Variants in MYO10 observed in about 807,000 individuals in gnomAD.
MYO10 encodes unconventional myosin-X.
A neutral mutation model predicts 257.3 loss-of-function variants in MYO10; 133 were observed. That is an observed-to-expected ratio of 0.52 (90% confidence interval 0.45 to 0.60). The LOEUF (loss-of-function observed/expected upper bound fraction) is 0.60, where lower values mean the gene tolerates loss of function less well. Ranked by LOEUF, MYO10 falls within the 20% of genes least tolerant of loss-of-function variation. The pLI is 0.00. For synonymous variants in MYO10, 1,104 were observed against 1,028.6 expected (o/e 1.07, Z -1.40); for missense variants, 2,399 against 2,635.7 (o/e 0.91, Z 1.97).
chr5:16,736,329 C>A (rs879300255), intron 19 of MYO10, among the ~76,000 whole-genome samples: 6 of 152,142 alleles, frequency 3.9e-5, no homozygotes, highest in African/African-American at 7.2e-5. Flanking sequence ...TTTATGTAAA[C>A]CAGGAAATGC....
intron 3 of MYO10, among the ~76,000 whole-genome samples, chr5:16,817,783 G>A (rs959969479): frequency 6.6e-6 from 1 of 152,194 alleles, no homozygotes; most frequent in African/African-American, 2.4e-5. Context: ...TCGATGTGCA[G>A]AAGGCCCTTC....
At chr5:16,875,725 CT>C (rs1744582713) in intron 2 of MYO10, among the ~76,000 whole-genome samples, 1 of 152,214 alleles carries the variant, frequency 6.6e-6, no homozygotes, top group South Asian at 2.1e-4. Flanking sequence ...TAGACCGCCC[CT>C]GCTAAGAAGT....
chr5:16,782,928 C>A (rs1741465149), intron 5 of MYO10, among the ~76,000 whole-genome samples: 1 of 152,198 alleles, frequency 6.6e-6, no homozygotes, highest in Admixed American at 6.5e-5. Context: ...CACGCTAAGC[C>A]CCCTTTTACA....
intron 2 of MYO10, among the ~76,000 whole-genome samples, chr5:16,851,734 GA>G (rs529452629): frequency 1.1e-3 from 166 of 152,228 alleles, no homozygotes; most frequent in Non-Finnish European, 2.1e-3. Context: ...TATAAATTAG[GA>G]TATCACTTGT....
At chr5:16,736,446 A>C (rs1384667717) in intron 19 of MYO10, among the ~76,000 whole-genome samples, 5 of 152,126 alleles carry the variant, frequency 3.3e-5, no homozygotes, top group African/African-American at 1.2e-4. Context: ...AGTTCCACAG[A>C]GTTTTCAGAG....
chr5:16,824,590 C>T (rs1466660120), intron 2 of MYO10, among the ~76,000 whole-genome samples: 4 of 152,156 alleles, frequency 2.6e-5, no homozygotes, highest in Middle Eastern at 3.2e-3. Flanking sequence ...ATCTTTCAGC[C>T]GGGCGCGGTG....
chr5:16,708,493 T>C (rs950736728), intron 21 of MYO10, among the ~76,000 whole-genome samples: 2 of 152,124 alleles, frequency 1.3e-5, no homozygotes, highest in Non-Finnish European at 2.9e-5. Flanking sequence ...AATGGCTGGG[T>C]TGAGTTTTAA....
rs1684976428 is a variant in MYO10 at position 16,815,185 on chromosome 5, T to C, written c.279+2824A>G. 1.2e-5 allele frequency: 5 copies of C among 410,552 alleles called. 1 individual carries two copies. Among genetic ancestry groups the C allele is most frequent in the Middle Eastern group, 1.3e-3 (2 of 1,510 alleles). 25.4% of individuals were successfully genotyped at this position (410,552 alleles called of 1,614,324 possible). The stretch of plus-strand genomic sequence containing the variant: ...TACAAAAAAAAACAAACTTGTGTTT[T>C]TTCTCTAATGACAGCAAAGTATGAG... On this transcript the variant is annotated intron_variant, in intron 3 of 40. Coordinates refer to ENST00000513610, the MANE Select transcript of MYO10 (RefSeq NM_012334.3).
chr5:16,891,203 C>T (rs370928986), intron 1 of MYO10, among the ~76,000 whole-genome samples: 11 of 151,670 alleles, frequency 7.3e-5, no homozygotes, highest in African/African-American at 1.9e-4. Context: ...AGGAGAATTG[C>T]TTGAACTCTT....
chr5:16,735,494 C>T (rs1309305998), intron 19 of MYO10, among the ~76,000 whole-genome samples: 1 of 152,040 alleles, frequency 6.6e-6, no homozygotes, highest in Non-Finnish European at 1.5e-5. Flanking sequence ...TGCTTGAGCC[C>T]AGGAGTTCGA....
intron 26 of MYO10, among the ~76,000 whole-genome samples, chr5:16,695,508 G>C (rs1561188041): frequency 6.6e-6 from 1 of 150,946 alleles, no homozygotes; most frequent in East Asian, 2.0e-4. Context: ...TGGTTTACAG[G>C]TATAAGACTG....
intron 19 of MYO10, among the ~76,000 whole-genome samples, chr5:16,729,451 C>CTTTT (rs1331507610): frequency 7.3e-5 from 11 of 150,118 alleles, no homozygotes; most frequent in African/African-American, 2.5e-4. Context: ...GTTGTATTTT[C>CTTTT]TATTTTTTTT....
At chr5:16,762,006 A>G (rs1208708139) in intron 16 of MYO10, 39 bp downstream of exon 16, 1 of 1,486,902 alleles carries the variant, frequency 6.7e-7, no homozygotes. Context: ...CTGAATACCA[A>G]ACAGGCAAAT....
At chr5:16,698,799 A>AT (rs1737889416) in intron 26 of MYO10, among the ~76,000 whole-genome samples, 1 of 149,782 alleles carries the variant, frequency 6.7e-6, no homozygotes, top group South Asian at 2.1e-4. Context: ...AATTTTTTGT[A>AT]TTTTTAGTAG....
chr5:16,697,871 T>TG (rs1200351135), intron 26 of MYO10, among the ~76,000 whole-genome samples: 2 of 152,284 alleles, frequency 1.3e-5, no homozygotes, highest in East Asian at 3.9e-4. Flanking sequence ...CTCATATCCC[T>TG]GCCCATCTCC....
At chr5:16,725,812 G>T (rs1739345050) in intron 19 of MYO10, among the ~76,000 whole-genome samples, 1 of 150,050 alleles carries the variant, frequency 6.7e-6, no homozygotes, top group Admixed American at 6.7e-5. Flanking sequence ...TTGTGAGGCG[G>T]AGTCTAGCTC....
chr5:16,682,237 C>G (rs1737041353), intron 30 of MYO10, among the ~76,000 whole-genome samples: 2 of 152,180 alleles, frequency 1.3e-5, no homozygotes, highest in African/African-American at 4.8e-5. Flanking sequence ...TCTGAAGGTC[C>G]TGGAAGGGAA....
chr5:16,864,168 T>A (rs907738527), intron 2 of MYO10, among the ~76,000 whole-genome samples: 1 of 126,514 alleles, frequency 7.9e-6, no homozygotes, highest in African/African-American at 2.9e-5. Flanking sequence ...TTTTTTTTTG[T>A]CACTTGTGGT....
At chr5:16,891,580 C>T (rs148142244) in intron 1 of MYO10, among the ~76,000 whole-genome samples, 14 of 152,080 alleles carry the variant, frequency 9.2e-5, no homozygotes, top group African/African-American at 2.9e-4. Flanking sequence ...TGTGAAGATA[C>T]TAAAAACCAC....
Sources: gnomAD v4.1 joint callset for allele counts (sites outside exome capture counted in the v4.1 genomes callset) on GRCh38, gnomAD v4.1.1 for gene constraint, MANE v1.5 for transcripts, NCBI Gene and HGNC (gene_info 2026-07-23, HGNC 2026-07-21) for gene names.